PCDH11X: variants seen among roughly 807,000 people sequenced by gnomAD.
PCDH11X encodes protocadherin-11 X-linked.
In PCDH11X, 18 loss-of-function variants were observed where a neutral mutation model predicts 53.3. The observed-to-expected ratio is 0.34, with a 90% confidence interval of 0.23 to 0.50. PCDH11X has a LOEUF of 0.50. PCDH11X is among the 20% of genes least tolerant of loss of function. The pLI, the probability that PCDH11X is intolerant of heterozygous loss-of-function variation, is 0.98. For missense variants in PCDH11X, 570 were observed against 1,032.4 expected (o/e 0.55, Z 6.14); for synonymous variants, 279 against 393.3 (o/e 0.71, Z 3.44).
chrX:92,015,590 C>A (rs1319434314), intron 6 of PCDH11X, among the ~76,000 whole-genome samples: 1 of 112,069 alleles, frequency 8.9e-6, no homozygotes, highest in Admixed American at 9.5e-5. Context: ...CTCAAGAAAC[C>A]ACTTTTTTAT....
intron 8 of PCDH11X, among the ~76,000 whole-genome samples, chrX:92,289,630 A>T (rs1276170632): frequency 9.0e-6 from 1 of 111,427 alleles, no homozygotes; most frequent in African/African-American, 3.3e-5. Flanking sequence ...ACATGTGAAC[A>T]TTGTGAGGAT....
At chrX:92,617,006 A>G (rs1322415644) in intron 10 of PCDH11X, among the ~76,000 whole-genome samples, 2 of 110,634 alleles carry the variant, frequency 1.8e-5, no homozygotes, top group Non-Finnish European at 3.8e-5. Flanking sequence ...AGTGTTGTTT[A>G]TTTTCAATCT....
At chrX:92,058,618 T>C (rs2063485389) in intron 6 of PCDH11X, among the ~76,000 whole-genome samples, 1 of 111,414 alleles carries the variant, frequency 9.0e-6, no homozygotes, top group Admixed American at 9.6e-5. Context: ...TATGGTCAAA[T>C]AGTTATGTGC....
intron 10 of PCDH11X, among the ~76,000 whole-genome samples, chrX:92,595,873 A>G (rs1925534584): frequency 2.3e-5 from 2 of 85,400 alleles, no homozygotes; most frequent in African/African-American, 4.4e-5. Context: ...TAAATCTAAC[A>G]CCTGGATAAA....
At chrX:92,026,629 A>G (rs1293580149) in intron 6 of PCDH11X, among the ~76,000 whole-genome samples, 10 of 91,368 alleles carry the variant, frequency 1.1e-4, no homozygotes, top group Non-Finnish European at 2.1e-4. Context: ...AATTTTAGGC[A>G]TTAAATCCCT....
chrX:92,108,316 A>G (rs2064430142), intron 6 of PCDH11X, among the ~76,000 whole-genome samples: 1 of 112,272 alleles, frequency 8.9e-6, no homozygotes, highest in Non-Finnish European at 1.9e-5. Flanking sequence ...GTGATTAAAA[A>G]AAGTAAAAGG....
At chrX:92,254,550 T>C (rs998552197) in intron 7 of PCDH11X, among the ~76,000 whole-genome samples, 2 of 109,713 alleles carry the variant, frequency 1.8e-5, no homozygotes, top group African/African-American at 6.7e-5. Flanking sequence ...GGTCTTTACA[T>C]TTTGGCATGA....
At chrX:92,329,538 TGG>T (rs776573706) in intron 8 of PCDH11X, among the ~76,000 whole-genome samples, 15 of 111,922 alleles carry the variant, frequency 1.3e-4, no homozygotes, top group African/African-American at 4.9e-4. Context: ...ATGTTTATTG[TGG>T]GACTATTCAG....
chrX:92,049,963 C>T (rs971289757), intron 6 of PCDH11X, among the ~76,000 whole-genome samples: 50 of 111,358 alleles, frequency 4.5e-4, no homozygotes, highest in Non-Finnish European at 8.5e-4. Context: ...TTAGTAGAGA[C>T]GGGGTTTCGC....
chrX:91,908,291 A>G (rs907889397), intron 6 of PCDH11X, among the ~76,000 whole-genome samples: 1 of 111,825 alleles, frequency 8.9e-6, no homozygotes, highest in Non-Finnish European at 1.9e-5. Flanking sequence ...TCCAGCCTCT[A>G]TAAGAAACTA....
At chrX:92,221,062 G>A (rs188534910) in intron 7 of PCDH11X, among the ~76,000 whole-genome samples, 1,757 of 60,166 alleles carry the variant, frequency 0.029, 92 homozygotes, top group East Asian at 0.28. Flanking sequence ...GGTGGGGGGA[G>A]GGGGGAGGGA....
At chrX:92,576,588 G>C (rs1018573926) in intron 10 of PCDH11X, among the ~76,000 whole-genome samples, 4 of 105,724 alleles carry the variant, frequency 3.8e-5, no homozygotes, top group Non-Finnish European at 7.8e-5. Context: ...CTTTTGGTTT[G>C]AAATTACCAC....
At chrX:92,068,616 T>G (rs1009951636) in intron 6 of PCDH11X, among the ~76,000 whole-genome samples, 4 of 109,913 alleles carry the variant, frequency 3.6e-5, no homozygotes, top group Non-Finnish European at 7.6e-5. Context: ...CTCGGCTTAC[T>G]GCAACCTCTG....
Position 92,440,119 on chromosome X carries a change from A to AT in PCDH11X, c.3344-28173dup, listed in dbSNP as rs754076574. On this transcript the variant is annotated intron_variant, in intron 9 of 10. Transcript: ENST00000682573. ...AGATTAAATTTTCTTTTTAGAAACC[A>AT]TTTTTTTCCAATAATTTCTTCTAAT... Among the ~76,000 whole-genome samples the AT allele has an allele frequency of 4.2e-4, 43 of 101,485 alleles. No individual in the cohort carries two copies. The East Asian group carries it at 9.5e-3, about 23-fold the overall frequency. 88.1% of individuals were successfully genotyped at this position (101,485 alleles called of 115,157 possible). A position where few individuals can be genotyped will look rare whatever the true frequency, so the allele number is the denominator to read the frequency against.
chrX:91,786,778 A>C (rs1935349273), intron 1 of PCDH11X, among the ~76,000 whole-genome samples: 1 of 105,467 alleles, frequency 9.5e-6, no homozygotes, highest in Non-Finnish European at 1.9e-5. Flanking sequence ...GGGAAGCTTC[A>C]AGAGGATTGA....
chrX:92,020,860 T>C (rs2147998818), intron 6 of PCDH11X, among the ~76,000 whole-genome samples: 1 of 111,119 alleles, frequency 9.0e-6, no homozygotes, highest in East Asian at 2.9e-4. Context: ...ATCTTTGCTG[T>C]TCTCCAGCCT....
chrX:92,353,105 T>C (rs2070098085), intron 8 of PCDH11X, among the ~76,000 whole-genome samples: 1 of 111,693 alleles, frequency 9.0e-6, no homozygotes. Context: ...CCTGTGACCA[T>C]GTATTATCTT....
chrX:92,502,891 AAAC>A (rs1426463425), intron 10 of PCDH11X, among the ~76,000 whole-genome samples: 2 of 110,713 alleles, frequency 1.8e-5, no homozygotes, highest in Non-Finnish European at 3.8e-5. Context: ...TGCACAGCAA[AAAC>A]AAACAAACAA....
At chrX:92,370,460 C>CTTT (rs576718286) in intron 8 of PCDH11X, among the ~76,000 whole-genome samples, 5 of 80,305 alleles carry the variant, frequency 6.2e-5, no homozygotes, top group Admixed American at 2.8e-4. Flanking sequence ...GTTCTTTTTT[C>CTTT]TTTTTTTTTT....
Sources: allele counts gnomAD v4.1 joint callset (sites outside exome capture counted in the v4.1 genomes callset), GRCh38; gene constraint gnomAD v4.1.1; transcripts MANE v1.5; gene names NCBI Gene and HGNC (gene_info 2026-07-23, HGNC 2026-07-21).